The following HECTD4 variants were observed in gnomAD, a reference collection of about 807,000 sequenced individuals.
The protein encoded by HECTD4 is HECT domain E3 ubiquitin protein ligase 4, also known as probable E3 ubiquitin-protein ligase HECTD4.
HECTD4 carries 114 observed loss-of-function variants against 471.5 expected under a neutral mutation model. That is an observed-to-expected ratio of 0.24 (90% CI 0.21 to 0.28). HECTD4 has a LOEUF of 0.28. Ranked by LOEUF, HECTD4 falls within the 10% of genes least tolerant of loss-of-function variation. The pLI, the probability that HECTD4 is intolerant of heterozygous loss-of-function variation, is 1.00. For missense variants in HECTD4, 3,866 were observed against 5,651.5 expected, an observed-to-expected ratio of 0.68 and a Z score of 10.13; for synonymous variants, 2,012 against 2,256.0, an observed-to-expected ratio of 0.89 and a Z score of 3.07.
At chr12:112,278,439 T>C (rs1041453904) in intron 9 of HECTD4, among the ~76,000 whole-genome samples, 1 of 152,258 alleles carries the variant, frequency 6.6e-6, no homozygotes, top group Non-Finnish European at 1.5e-5. Context: ...AAGCCAAAAT[T>C]ACACTGCTTT....
At chr12:112,290,867 A>AC (rs759132074) in intron 7 of HECTD4, among the ~76,000 whole-genome samples, 3,204 of 147,180 alleles carry the variant, frequency 0.022, 79 homozygotes, top group Non-Finnish European at 0.035. Flanking sequence ...ACAAAACAAA[A>AC]AAAAAAAACA....
intron 45 of HECTD4, among the ~76,000 whole-genome samples, chr12:112,218,456 GTC>G (rs1392927465): frequency 6.6e-6 from 1 of 151,990 alleles, no homozygotes; most frequent in Non-Finnish European, 1.5e-5. Context: ...TATTTTCTAT[GTC>G]TATGGATTTA....
At chr12:112,197,087 T>C (rs1203235557) in intron 55 of HECTD4, among the ~76,000 whole-genome samples, 2 of 152,036 alleles carry the variant, frequency 1.3e-5, no homozygotes, top group Admixed American at 6.6e-5. Context: ...TGACCCACTG[T>C]GCCCAGCCAA....
chr12:112,264,242 T>C, intron 16 of HECTD4, 30 bp from the exon 17 acceptor site: 1 of 1,501,366 alleles, frequency 6.7e-7, no homozygotes, highest in Non-Finnish European at 9.0e-7. Context: ...ATTTAAATGA[T>C]CTAAATCCTA....
intron 13 of HECTD4, among the ~76,000 whole-genome samples, chr12:112,268,074 T>A (rs538206709): frequency 2.0e-5 from 3 of 152,330 alleles, no homozygotes; most frequent in African/African-American, 7.2e-5. Flanking sequence ...CCACCTGCCA[T>A]GGCCCCTCAA....
At position 112,319,519 on chromosome 12, in the gene HECTD4, T is replaced by G; in HGVS notation, c.401A>C (p.Gln134Pro). Residue 134 changes from glutamine (Q) to proline (P), a missense_variant, in exon 2 of 76, where the codon CAG becomes CCG. Gln to Pro is a moderately conservative substitution (Grantham distance 76). Transcript: ENST00000682272. This position sits in a 1 kb window ranked among gnomAD's most constrained non-coding sequence, Gnocchi z 5.3. The part of the protein sequence containing the change: ...LALLKRQGLL[Q>P]QPEQAPFTSR... ...TGTGAAGGGCGCTTGCTCAGGTTGC[T>G]GCAACAAGCCCTGGCGTTTGAGCAG... 1.4e-6 allele frequency: 2 copies of G among 1,467,256 alleles called. No homozygotes were observed. The highest frequency in any genetic ancestry group is 5.0e-5 in the East Asian group (2 of 40,328). 90.9% of individuals were successfully genotyped at this position (1,467,256 alleles called of 1,614,324 possible). A position where few individuals can be genotyped will look rare whatever the true frequency, so the allele number is the denominator to read the frequency against.
rs779368768 is a variant in HECTD4, at chr12:112,163,924, C to CAGAAAA, written c.12701+184_12701+185insTTTTCT. 2.0e-5 allele frequency among the ~76,000 whole-genome samples: 3 copies of CAGAAAA among 152,204 alleles called. No individual in the cohort carries two copies. The highest frequency in any genetic ancestry group is 4.4e-5 in the Non-Finnish European group (3 of 68,032). ...TCAGAGCTGCTGTTTTCTTAGTAAA[C>CAGAAAA]CCCTTCTGCTGAGGACCCTCTTTCT... On this transcript the variant is annotated intron_variant, in intron 73 of 75. Transcript: ENST00000682272. This position sits in a 1 kb window ranked among gnomAD's most constrained non-coding sequence, Gnocchi z 8.2.
At chr12:112,294,142 C>T (rs1470051676) in intron 7 of HECTD4, among the ~76,000 whole-genome samples, 1 of 152,086 alleles carries the variant, frequency 6.6e-6, no homozygotes, top group Admixed American at 6.5e-5. Context: ...TTCTTACAGG[C>T]CATGCTAATT....
At chr12:112,178,661 C>A (rs758509948) in intron 64 of HECTD4, among the ~76,000 whole-genome samples, 1 of 152,212 alleles carries the variant, frequency 6.6e-6, no homozygotes, top group Non-Finnish European at 1.5e-5. Flanking sequence ...GAAACCCCAT[C>A]TCTACAGAAA....
chr12:112,321,695 A>G (rs1194631417), intron 1 of HECTD4: 1 of 152,194 alleles, frequency 6.6e-6, no homozygotes, highest in Non-Finnish European at 1.5e-5. Flanking sequence ...AGAATTTCCA[A>G]AACAATGCAA....
In HECTD4 at chr12:112,194,753, G is replaced by A. The variant is rs778449239; in HGVS notation, c.8749+132C>T. On this transcript the variant is annotated intron_variant, in intron 56 of 75. Coordinates refer to ENST00000682272, the MANE Select transcript of HECTD4 (RefSeq NM_001388303.1). This position sits in a 1 kb window ranked among gnomAD's most constrained non-coding sequence, Gnocchi z 4.6. ...CCCTGCCAGGAGAATCCCAGTTCCT[G>A]CGTGCAATTTCTCACGTGAGCCTAT... 2.4e-4 allele frequency: 189 copies of A among 773,126 alleles called. No homozygotes were observed. The highest frequency in any genetic ancestry group is 3.6e-4 in the Non-Finnish European group (174 of 487,460). 47.9% of individuals were successfully genotyped at this position (773,126 alleles called of 1,614,324 possible).
chr12:112,282,189 C>G (rs1053514135), intron 8 of HECTD4, among the ~76,000 whole-genome samples: 1 of 152,140 alleles, frequency 6.6e-6, no homozygotes, highest in Non-Finnish European at 1.5e-5. Context: ...CGAGACCATC[C>G]TGGCTAACAC....
chr12:112,216,527 C>T (rs1041434564), intron 47 of HECTD4, among the ~76,000 whole-genome samples, 156 bp from the exon 48 acceptor site: 2 of 152,074 alleles, frequency 1.3e-5, no homozygotes, highest in African/African-American at 2.4e-5. Context: ...ACCAATATTT[C>T]CCAAACTGTA....
Position 112,381,885 on chromosome 12 carries a change from G to A in HECTD4, c.177+67C>T, listed in dbSNP as rs2036901649. On this transcript the variant is annotated intron_variant, in intron 1 of 75. Transcript: ENST00000682272. This position sits in a 1 kb window ranked among gnomAD's most constrained non-coding sequence, Gnocchi z 4.1. ...AGGCCGCGGCTGAGGCGAGGAGGGG[G>A]CCCGACCCGGGGGTGCCGGGCGAGT... 1 of 1,122,346 alleles carries A rather than the reference G, an allele frequency of 8.9e-7. No individual in the cohort carries two copies. The highest frequency in any genetic ancestry group is 1.1e-6 in the Non-Finnish European group (1 of 892,326). 69.5% of individuals were successfully genotyped at this position (1,122,346 alleles called of 1,614,324 possible).
chr12:112,251,860 C>T (rs547558431), intron 23 of HECTD4, among the ~76,000 whole-genome samples: 8 of 152,334 alleles, frequency 5.3e-5, no homozygotes, highest in Admixed American at 5.2e-4. Flanking sequence ...GCAATCTCTG[C>T]CTCCTGGTTC....
At chr12:112,333,231 G>A (rs1425274749) in intron 1 of HECTD4, among the ~76,000 whole-genome samples, 1 of 152,174 alleles carries the variant, frequency 6.6e-6, no homozygotes, top group African/African-American at 2.4e-5. Flanking sequence ...TGGAACAGCC[G>A]AGTCACATGT....
At position 112,250,127 on chromosome 12, in the gene HECTD4, A is replaced by T; in HGVS notation, c.3950+17T>A. The T allele has an allele frequency of 1.3e-6, 2 of 1,578,480 alleles. No individual in the cohort carries two copies. The highest frequency in any genetic ancestry group is 1.7e-6 in the Non-Finnish European group (2 of 1,149,444). On this transcript the variant is annotated intron_variant, in intron 25 of 75. Coordinates refer to ENST00000682272, the MANE Select transcript of HECTD4 (RefSeq NM_001388303.1). Reference sequence around the variant, plus strand: ...TTTTTCCCATTGGGAAAAGTAAAACACTACACAGCAACATACTTTATACTT... The same window carrying T: ...TTTTTCCCATTGGGAAAAGTAAAACTCTACACAGCAACATACTTTATACTT...
chr12:112,183,256 C>T lies in HECTD4; in HGVS notation c.10790G>A (p.Arg3597Gln), dbSNP rs368516063. 2 of 1,613,364 alleles carry T rather than the reference C, an allele frequency of 1.2e-6. No individual in the cohort carries two copies. Among genetic ancestry groups the T allele is most frequent in the Non-Finnish European group, 1.7e-6 (2 of 1,179,744 alleles). The change falls in exon 62 of 76, where the codon CGA becomes CAA. Residue 3597 changes from arginine to glutamine, a missense_variant. Arg to Gln is a conservative substitution (Grantham distance 43). This residue lies in a region of HECTD4 where 715 missense variants were observed against 1,087.6 expected (regional missense o/e 0.66). Transcript: ENST00000682272. The stretch of plus-strand genomic sequence containing the variant: ...TGCTCGAATTTTCTCAATTTTGGCT[C>T]GGGATCTTATCTGTGTGAACAGAGA... Reference protein sequence around the residue: ...KGFAVVEIRSRAKIEKIRASL... With the variant: ...KGFAVVEIRSQAKIEKIRASL...
chr12:112,298,960 G>A (rs1038814052), intron 7 of HECTD4, among the ~76,000 whole-genome samples: 3 of 151,678 alleles, frequency 2.0e-5, no homozygotes, highest in Admixed American at 2.0e-4. Flanking sequence ...ATTTCACAGT[G>A]TTCCATTCTG....
Sources: allele counts gnomAD v4.1 joint callset (sites outside exome capture counted in the v4.1 genomes callset), GRCh38; gene constraint gnomAD v4.1.1; regional missense constraint gnomAD v4.1.1; non-coding constraint Gnocchi (gnomAD v3.1); transcripts MANE v1.5; gene names NCBI Gene and HGNC (gene_info 2026-07-23, HGNC 2026-07-21).